The following GPC5 variants were observed in gnomAD, a reference collection of about 807,000 sequenced individuals.
The protein encoded by GPC5 is glypican 5.
A neutral mutation model predicts 53.9 loss-of-function variants in GPC5; 47 were observed. The ratio of observed to expected loss-of-function variants is 0.87; its 90% CI spans 0.69 to 1.11. The LOEUF (loss-of-function observed/expected upper bound fraction) is 1.11, where lower values mean the gene tolerates loss of function less well. Ranked by LOEUF, GPC5 falls within the 50% of genes most tolerant of loss-of-function variation. GPC5 has a pLI of 0.00. For synonymous variants in GPC5, 286 were observed against 263.3 expected (o/e 1.09, Z -0.84); for missense variants, 748 against 713.1 (o/e 1.05, Z -0.56).
intron 7 of GPC5, among the ~76,000 whole-genome samples, chr13:92,343,375 A>T (rs1050504236): frequency 5.9e-5 from 9 of 152,270 alleles, no homozygotes; most frequent in Admixed American, 5.2e-4. Flanking sequence ...TTTCAGTTTG[A>T]TTTTGTAGTT....
chr13:91,878,103 G>T (rs536466759), intron 5 of GPC5, among the ~76,000 whole-genome samples: 19 of 152,112 alleles, frequency 1.2e-4, no homozygotes, highest in African/African-American at 4.6e-4. Flanking sequence ...CTTCCCAGTC[G>T]CAGGTATGTC....
intron 6 of GPC5, among the ~76,000 whole-genome samples, chr13:91,980,054 C>A (rs1442610253): frequency 6.6e-6 from 1 of 152,102 alleles, no homozygotes; most frequent in Admixed American, 6.5e-5. Context: ...ACTATAGGCC[C>A]AGAGTCCCAT....
At chr13:92,197,995 C>T (rs2042269518) in intron 7 of GPC5, among the ~76,000 whole-genome samples, 1 of 152,140 alleles carries the variant, frequency 6.6e-6, no homozygotes, top group Non-Finnish European at 1.5e-5. Flanking sequence ...AAAGTCCTTG[C>T]ACTTGTTATT....
intron 7 of GPC5, among the ~76,000 whole-genome samples, chr13:92,585,466 C>T (rs1214688511): frequency 6.6e-6 from 1 of 152,176 alleles, no homozygotes; most frequent in African/African-American, 2.4e-5. Flanking sequence ...AGTGCTTGTA[C>T]CCACGTTGTA....
intron 5 of GPC5, among the ~76,000 whole-genome samples, chr13:91,871,506 A>G (rs1272245997): frequency 6.6e-6 from 1 of 152,212 alleles, no homozygotes. Context: ...ATCTAAAAAA[A>G]AGGTTAAAAA....
chr13:91,989,144 C>G (rs536950960), intron 6 of GPC5, among the ~76,000 whole-genome samples: 1 of 152,270 alleles, frequency 6.6e-6, no homozygotes, highest in Admixed American at 6.5e-5. Flanking sequence ...TGGCCACACT[C>G]CTTCCTGTCT....
chr13:91,584,189 C>T (rs1672923125), intron 2 of GPC5, among the ~76,000 whole-genome samples: 1 of 152,104 alleles, frequency 6.6e-6, no homozygotes, highest in South Asian at 2.1e-4. Context: ...GACTTCTGGC[C>T]TCCAGAATTC....
chr13:91,415,316 G>A (rs1250576581), intron 1 of GPC5, among the ~76,000 whole-genome samples: 9 of 152,192 alleles, frequency 5.9e-5, no homozygotes, highest in Admixed American at 5.9e-4. Flanking sequence ...TACATGTGCA[G>A]GCAACTATCT....
chr13:92,654,693 A>T (rs1886067641), intron 7 of GPC5, among the ~76,000 whole-genome samples: 1 of 151,972 alleles, frequency 6.6e-6, no homozygotes, highest in Non-Finnish European at 1.5e-5. Context: ...TTCTCATGTC[A>T]TGTTAAAAAT....
intron 7 of GPC5, among the ~76,000 whole-genome samples, chr13:92,560,661 G>A (rs1476612677): frequency 1.3e-5 from 2 of 151,940 alleles, no homozygotes; most frequent in Non-Finnish European, 2.9e-5. Context: ...TCCCAGTTTA[G>A]AAACAGTCTC....
In GPC5 at chr13:92,406,651, T is replaced by A. The variant is rs530632033; in HGVS notation, c.1561+261662T>A. 2.6e-5 allele frequency among the ~76,000 whole-genome samples: 4 copies of A among 152,260 alleles called. 1 individual carries two copies. The highest frequency in any genetic ancestry group is 9.6e-5 in the African/African-American group (4 of 41,568). On this transcript the variant is annotated intron_variant, in intron 7 of 7. Coordinates refer to ENST00000377067, the MANE Select transcript of GPC5 (RefSeq NM_004466.6). ...AGTGTATAAGTTAACTCATATCATGTTTACTCAAAAATGTATAGGCAAGTA... is the reference window on the plus strand; with the variant it reads ...AGTGTATAAGTTAACTCATATCATGATTACTCAAAAATGTATAGGCAAGTA...
chr13:91,602,861 C>CA (rs2033224142), intron 2 of GPC5, among the ~76,000 whole-genome samples: 1 of 152,056 alleles, frequency 6.6e-6, no homozygotes, highest in Non-Finnish European at 1.5e-5. Context: ...TTAGAATTGT[C>CA]AAAAGGATAT....
intron 5 of GPC5, among the ~76,000 whole-genome samples, chr13:91,837,704 A>T (rs986765944): frequency 6.6e-6 from 1 of 152,144 alleles, no homozygotes; most frequent in African/African-American, 2.4e-5. Context: ...CATAGTAATA[A>T]CTTTTTTGAA....
chr13:92,233,581 T>C (rs2139104261), intron 7 of GPC5, among the ~76,000 whole-genome samples: 1 of 152,338 alleles, frequency 6.6e-6, no homozygotes, highest in Non-Finnish European at 1.5e-5. Context: ...AATATGTATC[T>C]GATGTGGTGC....
intron 6 of GPC5, among the ~76,000 whole-genome samples, chr13:92,040,235 C>T (rs2040931276): frequency 6.6e-6 from 1 of 152,212 alleles, no homozygotes; most frequent in Non-Finnish European, 1.5e-5. Context: ...TTCTCCCCAG[C>T]TATGTGGGTT....
chr13:91,657,688 A>G (rs2034881005), intron 2 of GPC5, among the ~76,000 whole-genome samples: 1 of 152,172 alleles, frequency 6.6e-6, no homozygotes, highest in South Asian at 2.1e-4. Context: ...TGAGGTACTC[A>G]CTAAACCTGA....
At chr13:91,855,341 C>A (rs894802750) in intron 5 of GPC5, among the ~76,000 whole-genome samples, 1 of 151,600 alleles carries the variant, frequency 6.6e-6, no homozygotes, top group Middle Eastern at 3.2e-3. Context: ...GTTTAATCTA[C>A]CTTAAAGTAT....
At chr13:92,559,415 T>C (rs1882620446) in intron 7 of GPC5, among the ~76,000 whole-genome samples, 1 of 151,114 alleles carries the variant, frequency 6.6e-6, no homozygotes, top group South Asian at 2.1e-4. Flanking sequence ...TACTATGATG[T>C]TTTCACGTCT....
chr13:91,901,222 A>G (rs2039494344), intron 5 of GPC5, among the ~76,000 whole-genome samples: 1 of 152,076 alleles, frequency 6.6e-6, no homozygotes, highest in Admixed American at 6.6e-5. Flanking sequence ...ATTAAGTTTA[A>G]AAACATAGGT....
Sources: allele counts gnomAD v4.1 joint callset (sites outside exome capture counted in the v4.1 genomes callset), GRCh38; gene constraint gnomAD v4.1.1; transcripts MANE v1.5; gene names NCBI Gene and HGNC (gene_info 2026-07-23, HGNC 2026-07-21).